Variants in NOL9 observed in about 807,000 individuals in gnomAD.
The protein encoded by NOL9 is polynucleotide 5'-hydroxyl-kinase NOL9.
A neutral mutation model predicts 67.9 loss-of-function variants in NOL9; 28 were observed. The observed-to-expected ratio is 0.41, with a 90% CI of 0.31 to 0.57. The LOEUF (loss-of-function observed/expected upper bound fraction) is 0.57. Among genes scored for constraint, NOL9 ranks in the 20% least tolerant of loss-of-function variants. The pLI, the probability that NOL9 is intolerant of heterozygous loss-of-function variation, is 0.25. For missense variants in NOL9, 777 were observed against 897.0 expected (o/e 0.87, Z 1.71); for synonymous variants, 356 against 352.2 (o/e 1.01, Z -0.12).
intron 1 of NOL9, 64 bp from the exon 2 acceptor site, chr1:6,550,679 A>C: frequency 1.6e-6 from 2 of 1,230,594 alleles, no homozygotes; most frequent in Non-Finnish European, 2.3e-6. Context: ...AAACATTCTA[A>C]AATCTTTTTT....
In NOL9 at chr1:6,544,719, T is replaced by C. The variant is rs1020244424; in HGVS notation, c.977+107A>G. 3.3e-4 allele frequency: 379 copies of C among 1,136,122 alleles called. 2 individuals carry two copies. Among genetic ancestry groups the C allele is most frequent in the Admixed American group, 8.2e-4 (42 of 51,098 alleles). 70.4% of individuals were successfully genotyped at this position (1,136,122 alleles called of 1,614,324 possible). A position where few individuals can be genotyped will look rare whatever the true frequency, so the allele number is the denominator to read the frequency against. On this transcript the variant is annotated intron_variant, in intron 5 of 11. Coordinates refer to ENST00000377705, the MANE Select transcript of NOL9 (RefSeq NM_024654.5). Reference sequence around the variant, plus strand: ...CTTCAGCTGGGCAGCTTTAGACCTGTATGTAATCTCTAGCTAGAAGCCAAG... The same window carrying C: ...CTTCAGCTGGGCAGCTTTAGACCTGCATGTAATCTCTAGCTAGAAGCCAAG...
At chr1:6,550,911 G>C (rs1425057548) in intron 1 of NOL9, among the ~76,000 whole-genome samples, 1 of 151,918 alleles carries the variant, frequency 6.6e-6, no homozygotes, top group Non-Finnish European at 1.5e-5. Flanking sequence ...TTGAACTCCC[G>C]ACCTCAGGTG....
At chr1:6,546,256 C>G (rs1471418342) in intron 3 of NOL9, among the ~76,000 whole-genome samples, 1 of 152,084 alleles carries the variant, frequency 6.6e-6, no homozygotes, top group African/African-American at 2.4e-5. Flanking sequence ...ACAGATAAAG[C>G]TGAAAATAAA....
chr1:6,541,896 G>A lies in NOL9; in HGVS notation c.1009C>T (p.Leu337=). 3 of 1,605,944 alleles carry A rather than the reference G, an allele frequency of 1.9e-6. No homozygotes were observed. The highest frequency in any genetic ancestry group is 2.5e-6 in the Non-Finnish European group (3 of 1,176,972). The change falls in exon 6 of 12, where the codon CTG becomes TTG. Residue 337 remains leucine, a synonymous_variant. Coordinates refer to ENST00000377705, the MANE Select transcript of NOL9 (RefSeq NM_024654.5). ...GGAGGGGTAAATTCTGTCTGTCCCA[G>A]ATCACATTCCAAATAGTCAACGCAG... ...LPCVDYLECD[L]GQTEFTPPGC...
chr1:6,526,725 C>G lies in NOL9; in HGVS notation c.1930G>C (p.Ala644Pro). ...CACTTAAGGACACAATGTGGAATGGCAATAGCTCCAACGAGCAGACAATTC... is the reference window on the plus strand; with the variant it reads ...CACTTAAGGACACAATGTGGAATGGGAATAGCTCCAACGAGCAGACAATTC... ...TVNCLLVGAI[A>P]IPHCVLKCQR... The change falls in exon 11 of 12, where the codon GCC becomes CCC. Residue 644 changes from alanine (A) to proline (P), a missense_variant. Physicochemically the swap from Ala to Pro is conservative, Grantham distance 27. This residue lies in a region of NOL9 where 413 missense variants were observed against 552.6 expected (regional missense o/e 0.75). Transcript: ENST00000377705. The G allele has an allele frequency of 6.2e-7, 1 of 1,613,756 alleles. No homozygotes were observed. The highest frequency in any genetic ancestry group is 8.5e-7 in the Non-Finnish European group (1 of 1,179,784).
At position 6,525,233 on chromosome 1, in the gene NOL9, A is replaced by G. The variant is rs1043066587; in HGVS notation, c.*621T>C. The stretch of plus-strand genomic sequence containing the variant: ...ACTCCAGCCTGGAACTCCGAGGCTC[A>G]AGCAATCCTCCCGCCTCAGCCTCCC... On this transcript the variant is annotated 3_prime_UTR_variant, in exon 12 of 12. Coordinates refer to ENST00000377705, the MANE Select transcript of NOL9 (RefSeq NM_024654.5). 6.6e-6 allele frequency: 1 copy of G among 152,344 alleles called. No individual in the cohort carries two copies. Among genetic ancestry groups the G allele is most frequent in the Non-Finnish European group, 1.5e-5 (1 of 68,270 alleles). The allele number at this position is 152,344 out of a possible 1,614,324, so 9.4% of individuals were successfully genotyped here.
At position 6,531,835 on chromosome 1, in the gene NOL9, G is replaced by A. The variant is rs1570045103; in HGVS notation, c.1647+133C>T. ...CTGTAAAGTGGGAATAACGACACAA[G>A]CTGTGTCACTGGGATGTTCTGAGGA... On this transcript the variant is annotated intron_variant, in intron 9 of 11. Coordinates refer to ENST00000377705, the MANE Select transcript of NOL9 (RefSeq NM_024654.5). The A allele has an allele frequency of 3.8e-5, 27 of 715,540 alleles. No homozygotes were observed. The East Asian group carries it at 5.9e-4, about 16-fold the overall frequency. The allele number at this position is 715,540 out of a possible 1,614,324, so 44.3% of individuals were successfully genotyped here.
chr1:6,546,191 A>C (rs1197763343), intron 3 of NOL9, among the ~76,000 whole-genome samples: 1 of 152,204 alleles, frequency 6.6e-6, no homozygotes, highest in East Asian at 1.9e-4. Flanking sequence ...TAGGGAGGGA[A>C]GTATCCAAGA....
At position 6,522,873 on chromosome 1, in the gene NOL9, G is replaced by A. The variant is rs1638802213; in HGVS notation, c.*2981C>T. 1.1e-5 allele frequency: 1 copy of A among 93,774 alleles called. No homozygotes were observed. The highest frequency in any genetic ancestry group is 1.9e-5 in the Non-Finnish European group (1 of 52,914). 5.8% of individuals were successfully genotyped at this position (93,774 alleles called of 1,614,324 possible). On this transcript the variant is annotated 3_prime_UTR_variant, in exon 12 of 12. Coordinates refer to ENST00000377705, the MANE Select transcript of NOL9 (RefSeq NM_024654.5). ...CACCCCAGCCTGGGCGACAGAGCTA[G>A]ACTCTGTCTCAAAAAAAAAAAAAAA...
At chr1:6,533,920 T>C (rs1447489313) in intron 6 of NOL9, among the ~76,000 whole-genome samples, 1 of 151,442 alleles carries the variant, frequency 6.6e-6, no homozygotes, top group Non-Finnish European at 1.5e-5. Context: ...AGAGTTTCAC[T>C]CTTGTTGCCC....
chr1:6,533,273 G>A lies in NOL9; in HGVS notation c.1237+7C>T, dbSNP rs1485539237. On this transcript the variant is annotated splice_region_variant and intron_variant, in intron 7 of 11. Transcript: ENST00000377705. Reference sequence around the variant, plus strand: ...CTTCCCTTGCAGATGTGCACATGCAGGCTTACCTGAAACCCATCCCATAGT... The same window carrying A: ...CTTCCCTTGCAGATGTGCACATGCAAGCTTACCTGAAACCCATCCCATAGT... 7 of 1,581,752 alleles carry A rather than the reference G, an allele frequency of 4.4e-6. No individual in the cohort carries two copies. The highest frequency in any genetic ancestry group is 6.0e-6 in the Non-Finnish European group (7 of 1,160,902).
chr1:6,533,243 C>G, intron 7 of NOL9, 37 bp downstream of exon 7: 2 of 1,537,700 alleles, frequency 1.3e-6, no homozygotes, highest in Non-Finnish European at 8.8e-7. Flanking sequence ...CTCACACTGC[C>G]TGTCCTTCCC....
At chr1:6,540,479 G>A (rs1042584508) in intron 6 of NOL9, among the ~76,000 whole-genome samples, 12 of 151,954 alleles carry the variant, frequency 7.9e-5, no homozygotes, top group African/African-American at 2.9e-4. Context: ...AACCACACCC[G>A]ACTAATTTTT....
Position 6,554,277 on chromosome 1 carries a change from G to A in NOL9, c.226C>T (p.Arg76Trp), listed in dbSNP as rs1026156047. Residue 76 changes from arginine to tryptophan, a missense_variant, in exon 1 of 12, where the codon CGG (arginine) becomes TGG (tryptophan). By Grantham distance (101) the Arg-to-Trp change is moderately radical. This residue lies in a region of NOL9 where 364 missense variants were observed against 344.4 expected (regional missense o/e 1.06). Transcript: ENST00000377705. The stretch of plus-strand genomic sequence containing the variant: ...CTGGGGGTCGCGGTGTTGGGTCTCC[G>A]GGCCGCCGCCGCGCGCGACACCTGG... ...ARQVSRAAAA[R>W]RPNTATPSPI... 2 of 1,474,358 alleles carry A rather than the reference G, an allele frequency of 1.4e-6. No homozygotes were observed. Among genetic ancestry groups the A allele is most frequent in the Non-Finnish European group, 1.8e-6 (2 of 1,115,230 alleles). The allele number at this position is 1,474,358 out of a possible 1,614,324, so 91.3% of individuals were successfully genotyped here. A position where few individuals can be genotyped will look rare whatever the true frequency, so the allele number is the denominator to read the frequency against.
intron 3 of NOL9, chr1:6,548,721 T>C (rs755204508): frequency 1.5e-4 from 26 of 171,362 alleles, no homozygotes; most frequent in Non-Finnish European, 1.9e-4. Flanking sequence ...AAACTACTCA[T>C]TCATAGTTTA....
Position 6,554,393 on chromosome 1 carries a change from AGCCGGCGGCGGG to A in NOL9, c.98_109del (p.Pro33_Arg36del), listed in dbSNP as rs572948167. The A allele has an allele frequency of 1.7e-4, 260 of 1,495,218 alleles. No individual in the cohort carries two copies. In the African/African-American group the frequency reaches 1.9e-3, roughly 11 times the overall value. 92.6% of individuals were successfully genotyped at this position (1,495,218 alleles called of 1,614,324 possible). A position where few individuals can be genotyped will look rare whatever the true frequency, so the allele number is the denominator to read the frequency against. On this transcript the variant is annotated inframe_deletion, in exon 1 of 12. Coordinates refer to ENST00000377705, the MANE Select transcript of NOL9 (RefSeq NM_024654.5). ...CCGACCGCACCAGCGCAGGCTCCCG[AGCCGGCGGCGGG>A]GCCGGCGGCTGAGGATGAGCTGGGG...
intron 1 of NOL9, among the ~76,000 whole-genome samples, chr1:6,552,650 C>T (rs1639568360): frequency 1.3e-5 from 2 of 151,924 alleles, no homozygotes; most frequent in South Asian, 2.1e-4. Context: ...CAGGCGTGAG[C>T]CACTAGACAG....
intron 6 of NOL9, among the ~76,000 whole-genome samples, chr1:6,537,316 C>T (rs985779402): frequency 1.3e-5 from 2 of 152,052 alleles, no homozygotes; most frequent in African/African-American, 2.4e-5. Context: ...CTTCATGACA[C>T]TGGTCTAGGT....
chr1:6,544,462 G>A (rs1175743761), intron 5 of NOL9, among the ~76,000 whole-genome samples: 1 of 151,880 alleles, frequency 6.6e-6, no homozygotes, highest in Non-Finnish European at 1.5e-5. Flanking sequence ...TCAAGACTAT[G>A]AGGTATGACT....
Sources: allele counts gnomAD v4.1 joint callset (sites outside exome capture counted in the v4.1 genomes callset), GRCh38; gene constraint gnomAD v4.1.1; regional missense constraint gnomAD v4.1.1; transcripts MANE v1.5; gene names NCBI Gene and HGNC (gene_info 2026-07-23, HGNC 2026-07-21).